The following FOXN3 variants were observed in gnomAD, a reference collection of about 807,000 sequenced individuals.
FOXN3 encodes forkhead box protein N3.
In FOXN3, 7 loss-of-function variants were observed where a neutral mutation model predicts 38.4. The ratio of observed to expected loss-of-function variants is 0.18; its 90% CI spans 0.10 to 0.34. The LOEUF (loss-of-function observed/expected upper bound fraction) is 0.34. Ranked by LOEUF, FOXN3 falls within the 10% of genes least tolerant of loss-of-function variation. FOXN3 has a pLI of 1.00. For synonymous variants in FOXN3, 230 were observed against 242.2 expected (o/e 0.95, Z 0.47); for missense variants, 456 against 613.4 (o/e 0.74, Z 2.71).
intron 4 of FOXN3, among the ~76,000 whole-genome samples, chr14:89,244,480 G>C (rs944601432): frequency 1.3e-5 from 2 of 152,150 alleles, no homozygotes; most frequent in African/African-American, 4.8e-5. Context: ...GTATGAAAAG[G>C]CAAAGCTATT....
intron 3 of FOXN3, chr14:89,291,558 A>C (rs1886873820): frequency 1.8e-6 from 1 of 566,114 alleles, no homozygotes; most frequent in South Asian, 1.4e-5. Flanking sequence ...CTGACAGCCC[A>C]CTCCAGTCTT....
intron 2 of FOXN3, among the ~76,000 whole-genome samples, 166 bp downstream of exon 2, chr14:89,411,768 C>T (rs892818752): frequency 6.6e-6 from 1 of 151,740 alleles, no homozygotes; most frequent in Non-Finnish European, 1.5e-5. Flanking sequence ...AACTAATAGG[C>T]TTAGGGAAAG....
chr14:89,436,122 T>C (rs1892271431), intron 1 of FOXN3, among the ~76,000 whole-genome samples: 2 of 150,684 alleles, frequency 1.3e-5, no homozygotes, highest in South Asian at 4.2e-4. Flanking sequence ...ATCACAGGAG[T>C]GTGCCACCGC....
intron 1 of FOXN3, among the ~76,000 whole-genome samples, chr14:89,436,463 A>G (rs1892278516): frequency 6.6e-6 from 1 of 152,150 alleles, no homozygotes; most frequent in African/African-American, 2.4e-5. Flanking sequence ...TTTCCTCTCC[A>G]GTATCTATTT....
At chr14:89,276,123 G>A (rs1057486607) in intron 4 of FOXN3, among the ~76,000 whole-genome samples, 9 of 152,000 alleles carry the variant, frequency 5.9e-5, no homozygotes, top group African/African-American at 1.2e-4. Flanking sequence ...CTAAAAATAC[G>A]TAAAAATTAG....
intron 1 of FOXN3, among the ~76,000 whole-genome samples, chr14:89,478,064 G>A (rs778070790): frequency 6.6e-6 from 1 of 152,138 alleles, no homozygotes; most frequent in Non-Finnish European, 1.5e-5. Context: ...AGGTGTCTGG[G>A]TCATGGGGGA....
At chr14:89,459,278 AC>A (rs1286176127) in intron 1 of FOXN3, among the ~76,000 whole-genome samples, 1 of 152,184 alleles carries the variant, frequency 6.6e-6, no homozygotes, top group African/African-American at 2.4e-5. Context: ...GGCTTGGGAA[AC>A]CTTTGGAAGG....
At chr14:89,506,283 T>G (rs1451211367) in intron 1 of FOXN3, among the ~76,000 whole-genome samples, 19 of 23,110 alleles carry the variant, frequency 8.2e-4, no homozygotes, top group Admixed American at 2.1e-3. Flanking sequence ...GGTGGGGGGG[T>G]CAGCCCCCCG....
chr14:89,597,356 T>C (rs960592632), intron 1 of FOXN3, among the ~76,000 whole-genome samples: 1 of 152,194 alleles, frequency 6.6e-6, no homozygotes, highest in Non-Finnish European at 1.5e-5. Context: ...TCCATCAATA[T>C]GTTAAGAGTT....
chr14:89,224,507 G>A (rs748283682), intron 4 of FOXN3, among the ~76,000 whole-genome samples: 3 of 152,102 alleles, frequency 2.0e-5, no homozygotes, highest in Non-Finnish European at 4.4e-5. Flanking sequence ...ACCCTACCTT[G>A]CCCATATGAT....
chr14:89,463,070 C>G (rs149761927), intron 1 of FOXN3, among the ~76,000 whole-genome samples: 3 of 151,082 alleles, frequency 2.0e-5, no homozygotes, highest in Admixed American at 2.0e-4. Context: ...GAGGGCGGAT[C>G]ACGAGGTCAG....
intron 1 of FOXN3, among the ~76,000 whole-genome samples, chr14:89,602,704 G>A (rs1896178468): frequency 2.0e-5 from 3 of 151,870 alleles, no homozygotes; most frequent in African/African-American, 7.3e-5. Flanking sequence ...CACCATCTTG[G>A]CCAGGCTGGT....
chr14:89,219,252 TC>T (rs34849765), intron 4 of FOXN3, among the ~76,000 whole-genome samples: 1 of 152,106 alleles, frequency 6.6e-6, no homozygotes. Context: ...GTGTGGCACT[TC>T]CCCTTCTGTC....
At position 89,348,340 on chromosome 14, in the gene FOXN3, T is replaced by A. The variant is rs192820728; in HGVS notation, c.680+2332A>T. Among the ~76,000 whole-genome samples the A allele has an allele frequency of 1.6e-3, 251 of 152,226 alleles. 2 individuals are homozygous for A. Among genetic ancestry groups the A allele is most frequent in the African/African-American group, 5.7e-3 (235 of 41,516 alleles). On this transcript the variant is annotated intron_variant, in intron 3 of 5. Coordinates refer to ENST00000557258, the MANE Select transcript of FOXN3 (RefSeq NM_005197.4). ...ATGACTCGGTGTTTCACTTCCATCT[T>A]CTCTAGGTCATGTCAACAAGTGGCC...
intron 1 of FOXN3, among the ~76,000 whole-genome samples, chr14:89,599,293 A>C (rs1896113376): frequency 6.6e-6 from 1 of 152,202 alleles, no homozygotes; most frequent in Non-Finnish European, 1.5e-5. Context: ...TCATTAATTC[A>C]TTTATGCAAC....
chr14:89,569,277 G>T (rs1420286103), intron 1 of FOXN3, among the ~76,000 whole-genome samples: 1 of 152,156 alleles, frequency 6.6e-6, no homozygotes, highest in Non-Finnish European at 1.5e-5. Context: ...CAAAATGCAT[G>T]GAGGGTGGGG....
At chr14:89,217,906 G>T (rs1378803078) in intron 4 of FOXN3, among the ~76,000 whole-genome samples, 1 of 152,180 alleles carries the variant, frequency 6.6e-6, no homozygotes, top group South Asian at 2.1e-4. Flanking sequence ...CTGAGGTGCT[G>T]GTGCACTCAG....
At chr14:89,318,151 C>T (rs1344459426) in intron 3 of FOXN3, among the ~76,000 whole-genome samples, 1 of 114,126 alleles carries the variant, frequency 8.8e-6, no homozygotes, top group African/African-American at 3.9e-5. Context: ...TTTCTTTCTT[C>T]TTCTTCTTCT....
chr14:89,588,864 T>C (rs369204984), intron 1 of FOXN3, among the ~76,000 whole-genome samples: 26 of 152,328 alleles, frequency 1.7e-4, no homozygotes, highest in African/African-American at 6.3e-4. Flanking sequence ...TTTGGGACAC[T>C]TTAATACCCA....
Sources: gnomAD v4.1 joint callset for allele counts (sites outside exome capture counted in the v4.1 genomes callset) on GRCh38, gnomAD v4.1.1 for gene constraint, MANE v1.5 for transcripts, NCBI Gene and HGNC (gene_info 2026-07-23, HGNC 2026-07-21) for gene names.